The following FBXL7 variants were observed in gnomAD, a reference collection of about 807,000 sequenced individuals.
The protein encoded by FBXL7 is F-box/LRR-repeat protein 7.
Under a neutral mutation model 38.3 loss-of-function variants are expected in FBXL7, and 12 were observed. That is an observed-to-expected ratio of 0.31 (90% CI 0.20 to 0.51). The LOEUF (loss-of-function observed/expected upper bound fraction) is 0.51, where lower values mean the gene tolerates loss of function less well. FBXL7 is among the 20% of genes least tolerant of loss of function. The pLI, the probability that FBXL7 is intolerant of heterozygous loss-of-function variation, is 0.98. For missense variants in FBXL7, 567 were observed against 676.4 expected, an observed-to-expected ratio of 0.84 and a Z score of 1.79; for synonymous variants, 297 against 300.9, an observed-to-expected ratio of 0.99 and a Z score of 0.13.
Position 15,826,068 on chromosome 5 carries a change from G to T in FBXL7, c.128-101822G>T, listed in dbSNP as rs146351. Among the ~76,000 whole-genome samples the T allele has an allele frequency of 4.5e-3, 690 of 152,068 alleles. 7 individuals are homozygous for T. Among genetic ancestry groups the T allele is most frequent in the African/African-American group, 0.016 (662 of 41,468 alleles). On this transcript the variant is annotated intron_variant, in intron 2 of 3. Coordinates refer to ENST00000504595, the MANE Select transcript of FBXL7 (RefSeq NM_012304.5). The stretch of plus-strand genomic sequence containing the variant: ...TTGAGGACACAGCCAACATTTCTTC[G>T]CTAGGTAACAGGCACCAGGCCTAGA...
intron 2 of FBXL7, among the ~76,000 whole-genome samples, chr5:15,823,852 C>T (rs923171400): frequency 1.3e-5 from 2 of 152,200 alleles, no homozygotes; most frequent in Non-Finnish European, 2.9e-5. Context: ...GTTCCACCTG[C>T]CCTGAGCACA....
In FBXL7 at chr5:15,936,869, G is replaced by A. The variant is rs1742207666; in HGVS notation, c.1159G>A (p.Glu387Lys). The A allele has an allele frequency of 6.2e-7, 1 of 1,613,836 alleles. No individual in the cohort carries two copies. Among genetic ancestry groups the A allele is most frequent in the African/African-American group, 1.3e-5 (1 of 74,956 alleles). Reference protein sequence around the residue: ...KLRYLNARGCEGITDHGVEYL... With the variant: ...KLRYLNARGCKGITDHGVEYL... ...GCGCTACCTCAACGCGAGGGGCTGC[G>A]AGGGCATCACGGACCACGGTGTGGA... The change falls in exon 4 of 4, where the codon GAG becomes AAG. Residue 387 changes from glutamate to lysine, a missense_variant. Physicochemically the swap from Glu to Lys is moderately conservative, Grantham distance 56 (BLOSUM62 1). Transcript: ENST00000504595. The surrounding 1 kb of genome is among the most constrained non-coding windows in gnomAD (Gnocchi z 6.0).
intron 2 of FBXL7, among the ~76,000 whole-genome samples, chr5:15,915,287 A>G (rs989119572): frequency 6.6e-6 from 1 of 152,256 alleles, no homozygotes; most frequent in Non-Finnish European, 1.5e-5. Flanking sequence ...GCATACAGCA[A>G]CAGAATTTAT....
intron 2 of FBXL7, among the ~76,000 whole-genome samples, chr5:15,762,879 G>A (rs761688375): frequency 2.6e-5 from 4 of 152,078 alleles, no homozygotes; most frequent in Non-Finnish European, 5.9e-5. Context: ...TATGACCCTC[G>A]TGTAAAATCT....
intron 1 of FBXL7, among the ~76,000 whole-genome samples, chr5:15,597,495 T>TAAAA (rs35742221): frequency 2.6e-5 from 3 of 114,912 alleles, no homozygotes; most frequent in African/African-American, 9.8e-5. Context: ...TATCATTTTG[T>TAAAA]AAAAAAAAAA....
At chr5:15,914,413 G>C (rs1449378177) in intron 2 of FBXL7, among the ~76,000 whole-genome samples, 2 of 150,656 alleles carry the variant, frequency 1.3e-5, no homozygotes. Context: ...AAAGGAATGA[G>C]CAGGGATCTG....
intron 2 of FBXL7, among the ~76,000 whole-genome samples, chr5:15,826,401 A>G (rs1001118904): frequency 6.6e-6 from 1 of 152,186 alleles, no homozygotes; most frequent in African/African-American, 2.4e-5. Flanking sequence ...CAGAATGAGG[A>G]AAGATAGCAG....
chr5:15,544,801 G>A (rs896037059), intron 1 of FBXL7, among the ~76,000 whole-genome samples: 1 of 152,124 alleles, frequency 6.6e-6, no homozygotes, highest in South Asian at 2.1e-4. Flanking sequence ...CCTGTTGACT[G>A]CTCAGCACAG....
chr5:15,659,230 CAACTA>C (rs1660066622), intron 2 of FBXL7, among the ~76,000 whole-genome samples: 1 of 150,576 alleles, frequency 6.6e-6, no homozygotes, highest in Non-Finnish European at 1.5e-5. Context: ...ACAGTGAAAA[CAACTA>C]AAGAAGAAAA....
intron 2 of FBXL7, among the ~76,000 whole-genome samples, chr5:15,707,457 A>T (rs966557054): frequency 6.6e-5 from 10 of 152,054 alleles, no homozygotes; most frequent in Non-Finnish European, 8.8e-5. Flanking sequence ...GACATTACAT[A>T]TTTGTGACAC....
At chr5:15,893,052 C>T (rs929606310) in intron 2 of FBXL7, among the ~76,000 whole-genome samples, 10 of 150,772 alleles carry the variant, frequency 6.6e-5, no homozygotes, top group Non-Finnish European at 1.2e-4. Flanking sequence ...GGAGGCAGAG[C>T]TTGCAGTGAG....
chr5:15,513,835 G>C (rs1367924462), intron 1 of FBXL7, among the ~76,000 whole-genome samples: 1 of 152,122 alleles, frequency 6.6e-6, no homozygotes, highest in Non-Finnish European at 1.5e-5. Flanking sequence ...TGACATTTCT[G>C]TTCTGAATAA....
Position 15,808,793 on chromosome 5 carries a change from G to A in FBXL7, c.128-119097G>A, listed in dbSNP as rs183501806. Among the ~76,000 whole-genome samples, 740 of 152,274 alleles carry A rather than the reference G, an allele frequency of 4.9e-3. 7 individuals are homozygous for A. Among genetic ancestry groups the A allele is most frequent in the African/African-American group, 0.017 (709 of 41,554 alleles). ...TCCTGACACACAGCAGGGACTCGGG[G>A]TGTGCAATCTAAATATAGCAGGACT... On this transcript the variant is annotated intron_variant, in intron 2 of 3. Transcript: ENST00000504595.
chr5:15,641,500 C>A (rs1188021408), intron 2 of FBXL7, among the ~76,000 whole-genome samples: 1 of 143,854 alleles, frequency 7.0e-6, no homozygotes, highest in Non-Finnish European at 1.5e-5. Flanking sequence ...GTTATGACTG[C>A]CATTTTTTTT....
At chr5:15,541,368 A>G (rs1026661298) in intron 1 of FBXL7, among the ~76,000 whole-genome samples, 3 of 146,464 alleles carry the variant, frequency 2.0e-5, no homozygotes, top group Non-Finnish European at 4.5e-5. Flanking sequence ...ATGTATATAT[A>G]CACATATATA....
chr5:15,870,149 T>C (rs1245778684), intron 2 of FBXL7, among the ~76,000 whole-genome samples: 3 of 151,798 alleles, frequency 2.0e-5, no homozygotes, highest in East Asian at 3.9e-4. Flanking sequence ...TGTCAAGGTA[T>C]GGTGAGGGGG....
At chr5:15,734,772 G>T (rs2126667809) in intron 2 of FBXL7, among the ~76,000 whole-genome samples, 1 of 152,344 alleles carries the variant, frequency 6.6e-6, no homozygotes, top group East Asian at 1.9e-4. Context: ...CATGAGAGAA[G>T]TATTCAAGGA....
intron 1 of FBXL7, among the ~76,000 whole-genome samples, chr5:15,536,457 T>A (rs1373952063): frequency 6.6e-6 from 1 of 152,162 alleles, no homozygotes; most frequent in Non-Finnish European, 1.5e-5. Flanking sequence ...CCTAAGGCCT[T>A]CAGAGCCCAT....
chr5:15,778,248 T>G (rs369691809), intron 2 of FBXL7, among the ~76,000 whole-genome samples: 60 of 152,194 alleles, frequency 3.9e-4, no homozygotes, highest in African/African-American at 1.4e-3. Flanking sequence ...TTTCAAATAT[T>G]TTTCACTTTC....
Sources: allele counts gnomAD v4.1 joint callset (sites outside exome capture counted in the v4.1 genomes callset), GRCh38; gene constraint gnomAD v4.1.1; non-coding constraint Gnocchi (gnomAD v3.1); transcripts MANE v1.5; gene names NCBI Gene and HGNC (gene_info 2026-07-23, HGNC 2026-07-21).